Variants in CDK8 observed in about 807,000 individuals in gnomAD.
The protein encoded by CDK8 is cyclin dependent kinase 8.
A neutral mutation model predicts 71.5 loss-of-function variants in CDK8; 29 were observed. That is an observed-to-expected ratio of 0.41 (90% CI 0.30 to 0.55). The LOEUF (loss-of-function observed/expected upper bound fraction) is 0.55. CDK8 is among the 20% of genes least tolerant of loss of function. CDK8 has a pLI of 0.37. For missense variants in CDK8, 288 were observed against 572.6 expected (o/e 0.50, Z 5.07); for synonymous variants, 161 against 192.1 (o/e 0.84, Z 1.34).
chr13:26,281,556 T>C (rs1872744810), intron 1 of CDK8, among the ~76,000 whole-genome samples: 1 of 103,462 alleles, frequency 9.7e-6, no homozygotes. Context: ...GTAATTCTGG[T>C]AATATGACAA....
intron 1 of CDK8, among the ~76,000 whole-genome samples, chr13:26,262,773 G>T (rs1460250157): frequency 6.6e-6 from 1 of 152,144 alleles, no homozygotes; most frequent in Non-Finnish European, 1.5e-5. Context: ...ATTTAATTTT[G>T]CCTAAAATCA....
intron 1 of CDK8, among the ~76,000 whole-genome samples, chr13:26,324,402 G>A (rs926148900): frequency 2.6e-5 from 4 of 152,092 alleles, no homozygotes; most frequent in African/African-American, 4.8e-5. Flanking sequence ...TTAGAAAGTC[G>A]ATTAAGGAGA....
chr13:26,312,762 G>A (rs1874347036), intron 1 of CDK8, among the ~76,000 whole-genome samples: 1 of 152,182 alleles, frequency 6.6e-6, no homozygotes, highest in Non-Finnish European at 1.5e-5. Context: ...TCCTCCTTGT[G>A]TGCCCTCTTG....
intron 1 of CDK8, among the ~76,000 whole-genome samples, chr13:26,335,339 C>A (rs1296683951): frequency 6.6e-6 from 1 of 152,168 alleles, no homozygotes; most frequent in African/African-American, 2.4e-5. Flanking sequence ...CTCACTAGAC[C>A]TCTCTGCAGA....
chr13:26,385,998 A>T (rs1265998439), intron 6 of CDK8, among the ~76,000 whole-genome samples: 1 of 152,212 alleles, frequency 6.6e-6, no homozygotes, highest in African/African-American at 2.4e-5. Flanking sequence ...ACTAACTTCT[A>T]AAAGAGCCCC....
intron 2 of CDK8, among the ~76,000 whole-genome samples, chr13:26,342,014 G>A (rs1029533956): frequency 1.6e-4 from 25 of 152,122 alleles, no homozygotes; most frequent in African/African-American, 2.4e-4. Flanking sequence ...TCCGCCTCCC[G>A]TGTTCAAGCG....
At chr13:26,327,492 A>G (rs1187615334) in intron 1 of CDK8, among the ~76,000 whole-genome samples, 1 of 152,204 alleles carries the variant, frequency 6.6e-6, no homozygotes, top group African/African-American at 2.4e-5. Context: ...AACCTGAGTC[A>G]TGATACCCAA....
intron 1 of CDK8, among the ~76,000 whole-genome samples, chr13:26,291,656 G>A (rs147150616): frequency 7.9e-5 from 12 of 152,260 alleles, no homozygotes; most frequent in African/African-American, 2.2e-4. Context: ...TAATTTCAGC[G>A]TAATGGTATT....
At chr13:26,367,695 A>G (rs147816030) in intron 4 of CDK8, among the ~76,000 whole-genome samples, 130 of 152,336 alleles carry the variant, frequency 8.5e-4, no homozygotes, top group African/African-American at 3.0e-3. Context: ...CTATATCATC[A>G]CTATCCAGAA....
chr13:26,311,289 T>G (rs1874274637), intron 1 of CDK8, among the ~76,000 whole-genome samples: 2 of 152,182 alleles, frequency 1.3e-5, no homozygotes, highest in African/African-American at 4.8e-5. Flanking sequence ...TTACCGTATA[T>G]TTTTGTTCTT....
chr13:26,297,946 G>T (rs1451313455), intron 1 of CDK8, among the ~76,000 whole-genome samples: 5 of 151,984 alleles, frequency 3.3e-5, no homozygotes, highest in Non-Finnish European at 5.9e-5. Context: ...ATCCTCACTT[G>T]GTGGAAAGAG....
intron 7 of CDK8, 200 bp from the exon 8 acceptor site, chr13:26,396,085 G>GA (rs1291490047): frequency 1.1e-5 from 3 of 281,216 alleles, no homozygotes; most frequent in African/African-American, 6.5e-5. Flanking sequence ...AATATAAACA[G>GA]ATATATAAAG....
At chr13:26,257,217 A>G (rs1177579205) in intron 1 of CDK8, among the ~76,000 whole-genome samples, 1 of 152,196 alleles carries the variant, frequency 6.6e-6, no homozygotes, top group East Asian at 1.9e-4. Context: ...ATTTTCTATA[A>G]AAGGAAGTAA....
rs1001187575 is a variant in CDK8, at chr13:26,353,085, T to G, written c.316-655T>G. ...GTCCTATCAAGAGCATTTGAAACTTTTCAAGAAAAAACTTGTAAGGCACAT... is the reference window on the plus strand; with the variant it reads ...GTCCTATCAAGAGCATTTGAAACTTGTCAAGAAAAAACTTGTAAGGCACAT... On this transcript the variant is annotated intron_variant, in intron 3 of 12. Transcript: ENST00000381527. 2.0e-5 allele frequency among the ~76,000 whole-genome samples: 3 copies of G among 152,200 alleles called. No individual in the cohort carries two copies. The East Asian group carries it at 5.8e-4, about 29-fold the overall frequency.
At chr13:26,366,622 A>T (rs1033761388) in intron 4 of CDK8, among the ~76,000 whole-genome samples, 7 of 152,086 alleles carry the variant, frequency 4.6e-5, no homozygotes, top group Admixed American at 1.3e-4. Flanking sequence ...AAAGTATAAT[A>T]CTCTAAGTAG....
chr13:26,285,994 C>T (rs906698091), intron 1 of CDK8, among the ~76,000 whole-genome samples: 1 of 152,148 alleles, frequency 6.6e-6, no homozygotes, highest in Non-Finnish European at 1.5e-5. Flanking sequence ...CAAAACATTG[C>T]TGAAAGAAAT....
intron 1 of CDK8, among the ~76,000 whole-genome samples, chr13:26,321,881 A>G (rs981326511): frequency 6.6e-6 from 1 of 152,134 alleles, no homozygotes; most frequent in African/African-American, 2.4e-5. Context: ...ATGTATAGAA[A>G]GACCATATAT....
chr13:26,258,492 G>A (rs960703017), intron 1 of CDK8, among the ~76,000 whole-genome samples: 2 of 147,424 alleles, frequency 1.4e-5, no homozygotes, highest in Admixed American at 6.7e-5. Flanking sequence ...TATCTAGAGG[G>A]GTGTGTGTGT....
intron 1 of CDK8, among the ~76,000 whole-genome samples, chr13:26,271,990 A>C (rs988088598): frequency 3.3e-5 from 5 of 151,426 alleles, no homozygotes; most frequent in African/African-American, 9.7e-5. Context: ...CTTTATAAAC[A>C]CTGTACACTT....
Sources: allele counts gnomAD v4.1 joint callset (sites outside exome capture counted in the v4.1 genomes callset), GRCh38; gene constraint gnomAD v4.1.1; transcripts MANE v1.5; gene names NCBI Gene and HGNC (gene_info 2026-07-23, HGNC 2026-07-21).